MACF1: variants seen among roughly 807,000 people sequenced by gnomAD.
MACF1 encodes microtubule-actin cross-linking factor 1.
A neutral mutation model predicts 854.8 loss-of-function variants in MACF1; 193 were observed. The ratio of observed to expected loss-of-function variants is 0.23; its 90% CI spans 0.20 to 0.25. The LOEUF is 0.25. MACF1 is among the 10% of genes least tolerant of loss of function. The pLI is 1.00. For missense variants in MACF1, 7,722 were observed against 8,929.1 expected (o/e 0.86, Z 5.45); for synonymous variants, 3,185 against 3,226.7 (o/e 0.99, Z 0.44).
chr1:39,387,102 C>T (rs1641838383), intron 57 of MACF1, 85 bp from the exon 58 acceptor site: 2 of 1,463,906 alleles, frequency 1.4e-6, no homozygotes, highest in Non-Finnish European at 1.8e-6. Context: ...TCCCTTCCCC[C>T]AAGATTAGAC....
chr1:39,318,416 C>G, intron 29 of MACF1, 37 bp from the exon 30 acceptor site: 1 of 1,586,202 alleles, frequency 6.3e-7, no homozygotes, highest in Non-Finnish European at 8.6e-7. Context: ...GTATTTGTAC[C>G]AAGGTATCTG....
chr1:39,161,930 G>A (rs1012843804), intron 2 of MACF1, among the ~76,000 whole-genome samples: 2 of 151,472 alleles, frequency 1.3e-5, no homozygotes, highest in East Asian at 1.9e-4. Flanking sequence ...GATGGTGTGC[G>A]CCTATAGTTT....
chr1:39,330,397 T>G (rs546755255), intron 36 of MACF1, among the ~76,000 whole-genome samples: 1 of 152,220 alleles, frequency 6.6e-6, no homozygotes, highest in Non-Finnish European at 1.5e-5. Flanking sequence ...TAAATCTCTC[T>G]TATTCTATGG....
intron 2 of MACF1, among the ~76,000 whole-genome samples, chr1:39,149,792 C>T (rs1429445120): frequency 1.3e-5 from 2 of 152,094 alleles, no homozygotes; most frequent in South Asian, 2.1e-4. Context: ...CACTTTCTCA[C>T]TTCTAAGCCA....
chr1:39,377,349 TAC>T (rs1157792549), intron 52 of MACF1, among the ~76,000 whole-genome samples: 1 of 152,202 alleles, frequency 6.6e-6, no homozygotes. Context: ...TGACTTTTTG[TAC>T]AGTGAAGTCA....
rs749977198 is a variant in MACF1, at chr1:39,484,589, AT to A, written c.22282-4del. The A allele has an allele frequency of 3.6e-5, 58 of 1,599,780 alleles. No homozygotes were observed. Among genetic ancestry groups the A allele is most frequent in the African/African-American group, 1.8e-4 (13 of 73,984 alleles). On this transcript the variant is annotated splice_polypyrimidine_tract_variant and intron_variant, in intron 99 of 100. Coordinates refer to ENST00000564288, the MANE Select transcript of MACF1 (RefSeq NM_001394062.1). ...CCAAGTAAAATGTGACCTTTTTATT[AT>A]TTTTTTTAAGGTTATCCCATCATCA...
chr1:39,382,475 T>TG (rs1650312405), intron 56 of MACF1, among the ~76,000 whole-genome samples: 1 of 151,560 alleles, frequency 6.6e-6, no homozygotes, highest in South Asian at 2.1e-4. Context: ...GAGGTCGAGG[T>TG]GGGCGGGTCA....
chr1:39,434,916 T>C (rs1433179348), intron 69 of MACF1, among the ~76,000 whole-genome samples: 1 of 152,176 alleles, frequency 6.6e-6, no homozygotes, highest in Admixed American at 6.5e-5. Flanking sequence ...CCGGGGATAA[T>C]AGGGTGTTGT....
rs1227444171 is a variant in MACF1, at chr1:39,172,388, C to T, written c.221-58794C>T. On this transcript the variant is annotated intron_variant, in intron 2 of 93. Coordinates refer to the MACF1 transcript ENST00000361689. ...ATTTGAGAGCCTACTATATGCCAGA[C>T]ATTTGAAACTTGCTCATGGGTTGAG... 2.6e-5 allele frequency among the ~76,000 whole-genome samples: 4 copies of T among 152,264 alleles called. No individual in the cohort carries two copies. The East Asian group carries it at 5.8e-4, about 22-fold the overall frequency.
intron 58 of MACF1, among the ~76,000 whole-genome samples, chr1:39,405,348 T>TGAA (rs1371413669): frequency 6.6e-6 from 1 of 152,218 alleles, no homozygotes; most frequent in Non-Finnish European, 1.5e-5. Context: ...AGGCATTGTG[T>TGAA]AGATTTAAAA....
chr1:39,180,889 A>G (rs1644096270), intron 2 of MACF1, among the ~76,000 whole-genome samples: 1 of 152,066 alleles, frequency 6.6e-6, no homozygotes, highest in African/African-American at 2.4e-5. Flanking sequence ...AGTACAAAAG[A>G]CACTCTGTTA....
chr1:39,188,372 C>T (rs769069406), intron 2 of MACF1, among the ~76,000 whole-genome samples: 9 of 152,144 alleles, frequency 5.9e-5, no homozygotes, highest in Non-Finnish European at 1.0e-4. Flanking sequence ...TGCGCCACTA[C>T]ACTCCAGCTT....
chr1:39,480,825 G>A (rs1644999316), intron 98 of MACF1, 95 bp from the exon 99 acceptor site: 1 of 671,116 alleles, frequency 1.5e-6, no homozygotes, highest in Non-Finnish European at 2.6e-6. Flanking sequence ...TTAAAATTTA[G>A]TATCTTCTAT....
chr1:39,114,152 C>T (rs1642485911), intron 2 of MACF1, among the ~76,000 whole-genome samples: 1 of 149,444 alleles, frequency 6.7e-6, no homozygotes, highest in African/African-American at 2.4e-5. Flanking sequence ...CCACAGAAAG[C>T]ATATTGTCTA....
chr1:39,135,534 G>A (rs1450492009), intron 2 of MACF1, among the ~76,000 whole-genome samples: 1 of 152,070 alleles, frequency 6.6e-6, no homozygotes, highest in Non-Finnish European at 1.5e-5. Flanking sequence ...CACTGCGTCC[G>A]GCCAGATTAT....
Position 39,444,450 on chromosome 1 carries a change from A to G in MACF1, c.19432-212A>G, listed in dbSNP as rs183054471. ...TACATTTTAATACAAATGAATTCTA[A>G]GTAATCAGTATTTAGTTATTACAAT... On this transcript the variant is annotated intron_variant, in intron 79 of 100. Coordinates refer to ENST00000564288, the MANE Select transcript of MACF1 (RefSeq NM_001394062.1). Among the ~76,000 whole-genome samples the G allele has an allele frequency of 2.6e-5, 4 of 152,326 alleles. No individual in the cohort carries two copies. In the East Asian group the frequency reaches 5.8e-4, roughly 22 times the overall value.
rs147022705 is a variant in MACF1 at position 39,376,222 on chromosome 1, A to T, written c.13214-2239A>T. On this transcript the variant is annotated intron_variant, in intron 52 of 100. Coordinates refer to ENST00000564288, the MANE Select transcript of MACF1 (RefSeq NM_001394062.1). ...CATAATTGAACATGCATGTTTTATTATCATTTCTAAGTACTTAGAAATTTA... is the reference window on the plus strand; with the variant it reads ...CATAATTGAACATGCATGTTTTATTTTCATTTCTAAGTACTTAGAAATTTA... Among the ~76,000 whole-genome samples the T allele has an allele frequency of 5.9e-3, 899 of 152,352 alleles. 7 individuals are homozygous for T. The highest frequency in any genetic ancestry group is 0.017 in the Middle Eastern group (5 of 294).
rs796153876 is a variant in MACF1 at position 39,251,530 on chromosome 1, A to T, written c.262-316A>T. 5.9e-5 allele frequency among the ~76,000 whole-genome samples: 9 copies of T among 152,336 alleles called. 1 individual carries two copies. The highest frequency in any genetic ancestry group is 1.4e-4 in the African/African-American group (6 of 41,576). ...AAGTGTTTGTGGAGATACTGATAGG[A>T]TATCATCTCTTCACCAAAAACCATC... On this transcript the variant is annotated intron_variant, in intron 3 of 100. Transcript: ENST00000564288.
intron 2 of MACF1, among the ~76,000 whole-genome samples, chr1:39,185,305 A>C (rs1293092592): frequency 2.1e-5 from 3 of 144,876 alleles, no homozygotes; most frequent in African/African-American, 7.6e-5. Context: ...AAAAAAAAAA[A>C]CAAAAAAGGA....
Sources: gnomAD v4.1 joint callset for allele counts (sites outside exome capture counted in the v4.1 genomes callset) on GRCh38, gnomAD v4.1.1 for gene constraint, MANE v1.5 for transcripts, NCBI Gene and HGNC (gene_info 2026-07-23, HGNC 2026-07-21) for gene names.